The following THSD7A variants were observed in gnomAD, a reference collection of about 807,000 sequenced individuals.
The protein encoded by THSD7A is thrombospondin type 1 domain containing 7A.
THSD7A carries 96 observed loss-of-function variants against 231.3 expected under a neutral mutation model. The ratio of observed to expected loss-of-function variants is 0.41; its 90% confidence interval spans 0.35 to 0.49. The LOEUF (loss-of-function observed/expected upper bound fraction) is 0.49, where lower values mean the gene tolerates loss of function less well. THSD7A is among the 20% of genes least tolerant of loss of function. The pLI is 0.05. For synonymous variants in THSD7A, 940 were observed against 743.3 expected (o/e 1.26, Z -4.30); for missense variants, 2,290 against 2,070.2 (o/e 1.11, Z -2.06).
At chr7:11,774,728 G>C (rs1364311754) in intron 1 of THSD7A, among the ~76,000 whole-genome samples, 1 of 152,158 alleles carries the variant, frequency 6.6e-6, no homozygotes, top group Admixed American at 6.5e-5. Context: ...CTTTATGCTA[G>C]TATATTTCTA....
At chr7:11,793,953 T>G (rs1443803077) in intron 1 of THSD7A, among the ~76,000 whole-genome samples, 2 of 151,822 alleles carry the variant, frequency 1.3e-5, no homozygotes, top group African/African-American at 2.4e-5. Context: ...GAGTGTCAAA[T>G]GATCTAAAGT....
At position 11,407,496 on chromosome 7, in the gene THSD7A, A is replaced by G. The variant is rs145993327; in HGVS notation, c.3799-73T>C. ...GGAGCCAGAGAATGAGGTGACAAGAAAGAAGAGAAGGAGGGAGAAAAAGCA... is the reference window on the plus strand; with the variant it reads ...GGAGCCAGAGAATGAGGTGACAAGAGAGAAGAGAAGGAGGGAGAAAAAGCA... On this transcript the variant is annotated intron_variant, in intron 19 of 27. Transcript: ENST00000423059. 1,354 of 1,122,794 alleles carry G rather than the reference A, an allele frequency of 1.2e-3. 24 individuals are homozygous for G. In the East Asian group the frequency reaches 0.025, roughly 21 times the overall value. 69.6% of individuals were successfully genotyped at this position (1,122,794 alleles called of 1,614,324 possible).
chr7:11,510,278 A>C lies in THSD7A; in HGVS notation c.1823-28296T>G, dbSNP rs749729551. The stretch of plus-strand genomic sequence containing the variant: ...AACAGGCTCTGAAGTTGAGGCAATA[A>C]TTAATAGCCTACCAACCAAAAAAAG... On this transcript the variant is annotated intron_variant, in intron 6 of 27. Transcript: ENST00000423059. Among the ~76,000 whole-genome samples the C allele has an allele frequency of 2.5e-4, 38 of 152,332 alleles. No individual in the cohort carries two copies. The East Asian group carries it at 7.3e-3, about 29-fold the overall frequency.
chr7:11,611,607 T>C (rs763258166), intron 2 of THSD7A, among the ~76,000 whole-genome samples: 1 of 151,954 alleles, frequency 6.6e-6, no homozygotes, highest in Non-Finnish European at 1.5e-5. Context: ...GAAAAGCTAC[T>C]ATGAATACTG....
intron 2 of THSD7A, among the ~76,000 whole-genome samples, chr7:11,594,157 T>C (rs1780273659): frequency 6.6e-6 from 1 of 152,216 alleles, no homozygotes; most frequent in Non-Finnish European, 1.5e-5. Flanking sequence ...AGATGCTTCC[T>C]GCCCTCGAAC....
At chr7:11,691,087 C>T (rs748163530) in intron 1 of THSD7A, among the ~76,000 whole-genome samples, 22 of 151,526 alleles carry the variant, frequency 1.5e-4, no homozygotes, top group Non-Finnish European at 2.8e-4. Flanking sequence ...TTTTTGTATC[C>T]TTTAAAACAT....
intron 8 of THSD7A, among the ~76,000 whole-genome samples, chr7:11,473,110 C>T (rs1786002628): frequency 6.6e-6 from 1 of 152,110 alleles, no homozygotes; most frequent in South Asian, 2.1e-4. Flanking sequence ...ATCTCACTGG[C>T]ATGTCTTCTG....
At position 11,469,934 on chromosome 7, in the gene THSD7A, G is replaced by C. The variant is rs2285744; in HGVS notation, c.2313C>G (p.Asp771Glu). 635,341 of 1,597,830 alleles carry C rather than the reference G, an allele frequency of 0.4. 132,296 individuals are homozygous for C. The highest frequency in any genetic ancestry group is 0.48 in the Middle Eastern group (2,878 of 6,032). The change falls in exon 9 of 28, where the codon GAC (aspartate) becomes GAG (glutamate). Residue 771 changes from aspartate to glutamate, a missense_variant. By Grantham distance (45) the Asp-to-Glu change is conservative. Coordinates refer to ENST00000423059, the MANE Select transcript of THSD7A (RefSeq NM_015204.3). ...VRPCLLPCKK[D>E]CIVTPYSDWT... ...AGTCACTATATGGGGTCACAATACA[G>C]TCCTTCTTACAAGGAAGCAGACAAG...
At chr7:11,400,734 G>T (rs538283001) in intron 23 of THSD7A, among the ~76,000 whole-genome samples, 1 of 152,080 alleles carries the variant, frequency 6.6e-6, no homozygotes, top group African/African-American at 2.4e-5. Flanking sequence ...AGCCCATTTG[G>T]TTTTTACTGC....
intron 6 of THSD7A, among the ~76,000 whole-genome samples, chr7:11,492,700 G>A (rs1007923078): frequency 6.6e-6 from 1 of 152,062 alleles, no homozygotes; most frequent in Non-Finnish European, 1.5e-5. Context: ...ATGAGGAAGA[G>A]CAATATAAAT....
chr7:11,372,216 C>G lies in THSD7A; in HGVS notation c.*3578G>C, dbSNP rs1782082078. ...ACATTACGTAGGGGAAAATACTAACCCCATCTAAAAACAAACCTAGAGTAA... is the reference window on the plus strand; with the variant it reads ...ACATTACGTAGGGGAAAATACTAACGCCATCTAAAAACAAACCTAGAGTAA... On this transcript the variant is annotated 3_prime_UTR_variant, in exon 28 of 28. Coordinates refer to ENST00000423059, the MANE Select transcript of THSD7A (RefSeq NM_015204.3). 1 of 151,992 alleles carries G rather than the reference C, an allele frequency of 6.6e-6. No homozygotes were observed. Among genetic ancestry groups the G allele is most frequent in the East Asian group, 1.9e-4 (1 of 5,182 alleles). The allele number at this position is 151,992 out of a possible 1,614,324, so 9.4% of individuals were successfully genotyped here. A position where few individuals can be genotyped will look rare whatever the true frequency, so the allele number is the denominator to read the frequency against.
At chr7:11,583,889 A>G (rs1424873529) in intron 4 of THSD7A, among the ~76,000 whole-genome samples, 1 of 152,180 alleles carries the variant, frequency 6.6e-6, no homozygotes, top group Non-Finnish European at 1.5e-5. Context: ...CAATATGAAT[A>G]CAGACCCATA....
Position 11,636,722 on chromosome 7 carries a change from G to A in THSD7A, c.430C>T (p.Leu144Phe), listed in dbSNP as rs1781874852. 1.2e-6 allele frequency: 2 copies of A among 1,613,976 alleles called. No homozygotes were observed. The highest frequency in any genetic ancestry group is 1.7e-6 in the Non-Finnish European group (2 of 1,179,896). ...CCTTCTTCCCCCTTAATGCACTCAAGAGGTTTCTCTAGGCTTTTTGAAATC... is the reference window on the plus strand; with the variant it reads ...CCTTCTTCCCCCTTAATGCACTCAAAAGGTTTCTCTAGGCTTTTTGAAATC... ...PVISKSLEKP[L>F]ECIKGEEGIQ... Residue 144 changes from leucine to phenylalanine, a missense_variant, in exon 2 of 28, where the codon CTT (leucine) becomes TTT (phenylalanine). Coordinates refer to ENST00000423059, the MANE Select transcript of THSD7A (RefSeq NM_015204.3). This position sits in a 1 kb window ranked among gnomAD's most constrained non-coding sequence, Gnocchi z 10.0.
chr7:11,769,092 C>T (rs1273006708), intron 1 of THSD7A, among the ~76,000 whole-genome samples: 3 of 125,332 alleles, frequency 2.4e-5, no homozygotes, highest in Admixed American at 9.1e-5. Flanking sequence ...TGAGTAGCTG[C>T]GATTACAGGC....
At chr7:11,623,660 C>T (rs1469329021) in intron 2 of THSD7A, among the ~76,000 whole-genome samples, 1 of 152,150 alleles carries the variant, frequency 6.6e-6, no homozygotes, top group Non-Finnish European at 1.5e-5. Flanking sequence ...AATATCCTTT[C>T]TCACTCATCT....
At chr7:11,791,591 C>G (rs1354605569) in intron 1 of THSD7A, among the ~76,000 whole-genome samples, 1 of 151,894 alleles carries the variant, frequency 6.6e-6, no homozygotes, top group Non-Finnish European at 1.5e-5. Context: ...GAGGAAATTC[C>G]TTAATAAATT....
intron 1 of THSD7A, among the ~76,000 whole-genome samples, chr7:11,765,525 G>A (rs934598216): frequency 6.6e-6 from 1 of 152,118 alleles, no homozygotes; most frequent in African/African-American, 2.4e-5. Context: ...AAATAAATAT[G>A]AATAGTTAAA....
At chr7:11,742,015 T>C in intron 1 of THSD7A, among the ~76,000 whole-genome samples, 1 of 151,958 alleles carries the variant, frequency 6.6e-6, no homozygotes, top group African/African-American at 2.4e-5. Context: ...TACACAAGGC[T>C]TAATTTAGGA....
chr7:11,579,228 G>C (rs1306127008), intron 4 of THSD7A, among the ~76,000 whole-genome samples: 3 of 152,096 alleles, frequency 2.0e-5, no homozygotes. Flanking sequence ...ATATTAATGA[G>C]TTCTACAATG....
Sources: allele counts gnomAD v4.1 joint callset (sites outside exome capture counted in the v4.1 genomes callset), GRCh38; gene constraint gnomAD v4.1.1; non-coding constraint Gnocchi (gnomAD v3.1); transcripts MANE v1.5; gene names NCBI Gene and HGNC (gene_info 2026-07-23, HGNC 2026-07-21).